The following NCKAP5 variants were observed in gnomAD, a reference collection of about 807,000 sequenced individuals.
NCKAP5 encodes the protein nck-associated protein 5.
Under a neutral mutation model 167.0 loss-of-function variants are expected in NCKAP5, and 92 were observed. The observed-to-expected ratio is 0.55, with a 90% CI of 0.47 to 0.66. The LOEUF (loss-of-function observed/expected upper bound fraction) is 0.66. Ranked by LOEUF, NCKAP5 falls within the 30% of genes least tolerant of loss-of-function variation. The pLI is 0.00. For synonymous variants in NCKAP5, 891 were observed against 877.4 expected, an observed-to-expected ratio of 1.02 and a Z score of -0.27; for missense variants, 2,378 against 2,315.0, an observed-to-expected ratio of 1.03 and a Z score of -0.56.
At chr2:133,244,934 T>C in intron 4 of NCKAP5, among the ~76,000 whole-genome samples, 1 of 152,182 alleles carries the variant, frequency 6.6e-6, no homozygotes, top group East Asian at 1.9e-4. Flanking sequence ...ACATAGCAAG[T>C]ACTAAGCATA....
intron 6 of NCKAP5, among the ~76,000 whole-genome samples, chr2:133,086,543 G>A (rs1361813211): frequency 6.6e-6 from 1 of 152,132 alleles, no homozygotes; most frequent in African/African-American, 2.4e-5. Flanking sequence ...TCAAGAGGCT[G>A]AGGTGGGAGG....
At chr2:133,302,942 G>A (rs1680502600) in intron 4 of NCKAP5, 95 bp downstream of exon 4, 13 of 864,700 alleles carry the variant, frequency 1.5e-5, no homozygotes, top group East Asian at 2.7e-5. Flanking sequence ...CAAGGACTTA[G>A]TATATATTCT....
chr2:133,410,722 G>A (rs1688722336), intron 3 of NCKAP5, among the ~76,000 whole-genome samples: 1 of 152,206 alleles, frequency 6.6e-6, no homozygotes, highest in South Asian at 2.1e-4. Context: ...AATGAAGTAT[G>A]TTTTAATAAG....
At chr2:133,663,727 C>T in the NCKAP5 span, among the ~76,000 whole-genome samples, 1 of 152,124 alleles carries the variant, frequency 6.6e-6, no homozygotes, top group Non-Finnish European at 1.5e-5. Flanking sequence ...CTTCTAATTC[C>T]AGTTCTCTTG....
At chr2:133,176,749 G>A (rs1391366679) in intron 5 of NCKAP5, among the ~76,000 whole-genome samples, 2 of 152,106 alleles carry the variant, frequency 1.3e-5, no homozygotes, top group African/African-American at 2.4e-5. Flanking sequence ...AGTCATGAGT[G>A]TATGTGAATG....
rs540639692 is a variant in NCKAP5, at chr2:132,851,722, G to T, written c.807+8770C>A. ...GACTTCAAAGACATCCTTCCTTCCT[G>T]CAGCCCGACAGGTTAAAGATTTGTT... On this transcript the variant is annotated intron_variant, in intron 11 of 19. Coordinates refer to ENST00000409261, the MANE Select transcript of NCKAP5 (RefSeq NM_207363.3). Among the ~76,000 whole-genome samples the T allele has an allele frequency of 1.1e-3, 169 of 152,160 alleles. 2 individuals carry two copies. The highest frequency in any genetic ancestry group is 0.011 in the Admixed American group (165 of 15,278).
At chr2:133,421,588 G>C (rs1010481018) in intron 3 of NCKAP5, among the ~76,000 whole-genome samples, 1 of 152,122 alleles carries the variant, frequency 6.6e-6, no homozygotes, top group African/African-American at 2.4e-5. Context: ...GAGCGTCTGG[G>C]ATACAAGCCA....
chr2:133,667,196 A>G, the NCKAP5 span, among the ~76,000 whole-genome samples: 1 of 151,994 alleles, frequency 6.6e-6, no homozygotes, highest in Admixed American at 6.5e-5. Context: ...TCACAGTGAG[A>G]CTAATGAAAT....
chr2:132,801,120 C>T (rs924648944), intron 11 of NCKAP5, among the ~76,000 whole-genome samples: 1 of 152,188 alleles, frequency 6.6e-6, no homozygotes. Flanking sequence ...TATCCTTCCA[C>T]TGGCTTCATG....
chr2:133,025,161 C>T (rs1184628604), intron 6 of NCKAP5, among the ~76,000 whole-genome samples: 3 of 152,178 alleles, frequency 2.0e-5, no homozygotes, highest in Non-Finnish European at 4.4e-5. Context: ...ATTCCTCCTA[C>T]TATCTTTTGT....
chr2:133,225,263 T>C (rs2086831869), intron 4 of NCKAP5, among the ~76,000 whole-genome samples: 1 of 152,192 alleles, frequency 6.6e-6, no homozygotes, highest in Non-Finnish European at 1.5e-5. Context: ...TAATCAAGCA[T>C]GCTAATCATC....
the NCKAP5 span, among the ~76,000 whole-genome samples, chr2:133,599,342 T>C: frequency 3.3e-5 from 5 of 152,252 alleles, no homozygotes; most frequent in South Asian, 2.1e-4. Context: ...GGAGATCAGA[T>C]ACTGGTGTCT....
chr2:133,598,965 G>A, the NCKAP5 span, among the ~76,000 whole-genome samples: 11 of 152,290 alleles, frequency 7.2e-5, no homozygotes, highest in East Asian at 9.6e-4. Flanking sequence ...TAGCTGCATC[G>A]TGCCAATTTC....
At chr2:133,362,310 G>T (rs1303472277) in intron 3 of NCKAP5, among the ~76,000 whole-genome samples, 2 of 152,210 alleles carry the variant, frequency 1.3e-5, no homozygotes, top group Admixed American at 1.3e-4. Context: ...TCAGCAAACT[G>T]CTTTGCATAA....
At chr2:132,974,737 G>A (rs999379274) in intron 7 of NCKAP5, among the ~76,000 whole-genome samples, 1 of 152,168 alleles carries the variant, frequency 6.6e-6, no homozygotes, top group Non-Finnish European at 1.5e-5. Flanking sequence ...TTCTCCCAAG[G>A]CTCCCAGGCC....
At chr2:133,044,264 T>TA (rs2079313319) in intron 6 of NCKAP5, among the ~76,000 whole-genome samples, 1 of 152,186 alleles carries the variant, frequency 6.6e-6, no homozygotes, top group African/African-American at 2.4e-5. Context: ...TAAAATAAAA[T>TA]ATTCTGTTCA....
intron 11 of NCKAP5, among the ~76,000 whole-genome samples, chr2:132,806,890 T>C (rs1289499791): frequency 6.6e-6 from 1 of 152,136 alleles, no homozygotes; most frequent in African/African-American, 2.4e-5. Context: ...TTCTAGAAAT[T>C]TTATAGTTTC....
At chr2:132,920,802 T>TGTC (rs1695359648) in intron 8 of NCKAP5, among the ~76,000 whole-genome samples, 1 of 105,358 alleles carries the variant, frequency 9.5e-6, no homozygotes, top group African/African-American at 4.1e-5. Flanking sequence ...TATATATATA[T>TGTC]ATATATATAT....
the NCKAP5 span, among the ~76,000 whole-genome samples, chr2:133,595,266 G>C: frequency 3.9e-5 from 6 of 152,120 alleles, no homozygotes; most frequent in Admixed American, 1.3e-4. Flanking sequence ...TGACTGTTTA[G>C]GTGGGGCGTA....
Sources: gnomAD v4.1 joint callset for allele counts (sites outside exome capture counted in the v4.1 genomes callset) on GRCh38, gnomAD v4.1.1 for gene constraint, MANE v1.5 for transcripts, NCBI Gene and HGNC (gene_info 2026-07-23, HGNC 2026-07-21) for gene names.